The following TOP6BL variants were observed in gnomAD, a reference collection of about 807,000 sequenced individuals.
TOP6BL encodes TOP6B like initiator of meiotic double strand breaks.
chr11:66,757,204 G>A, the TOP6BL span, among the ~76,000 whole-genome samples: 13 of 152,108 alleles, frequency 8.5e-5, no homozygotes, highest in South Asian at 8.3e-4. Flanking sequence ...TTAGTCGGGC[G>A]CGGTGGCGTA....
chr11:66,836,735 C>T, the TOP6BL span, among the ~76,000 whole-genome samples: 1 of 147,590 alleles, frequency 6.8e-6, no homozygotes, highest in African/African-American at 2.5e-5. Context: ...GAGTCTTGCC[C>T]TGCCACCCAG....
chr11:66,821,517 C>T, the TOP6BL span: 2,436 of 1,021,766 alleles, frequency 2.4e-3, 5 homozygotes, highest in Non-Finnish European at 3.2e-3. Context: ...CCTCGTGATC[C>T]GCCCGCCTCG....
chr11:66,769,108 T>C, the TOP6BL span, among the ~76,000 whole-genome samples: 1 of 152,172 alleles, frequency 6.6e-6, no homozygotes, highest in Non-Finnish European at 1.5e-5. Flanking sequence ...TGTCTCCCTA[T>C]AGTGGTATAG....
the TOP6BL span, among the ~76,000 whole-genome samples, chr11:66,802,462 C>A: frequency 6.6e-6 from 1 of 151,964 alleles, no homozygotes; most frequent in Non-Finnish European, 1.5e-5. Context: ...CCATATACTG[C>A]TAATTTAAAA....
At chr11:66,833,971 C>A in the TOP6BL span, among the ~76,000 whole-genome samples, 1 of 151,904 alleles carries the variant, frequency 6.6e-6, no homozygotes, top group Non-Finnish European at 1.5e-5. Context: ...GATCTGACCT[C>A]TTTTACCCTG....
At chr11:66,843,185 A>T in the TOP6BL span, 2 of 1,611,216 alleles carry the variant, frequency 1.2e-6, no homozygotes, top group Non-Finnish European at 1.7e-6. Flanking sequence ...CTGTGGCTGC[A>T]GGAGGTCTCC....
At chr11:66,803,203 C>A in the TOP6BL span, among the ~76,000 whole-genome samples, 1 of 152,076 alleles carries the variant, frequency 6.6e-6, no homozygotes, top group Non-Finnish European at 1.5e-5. Context: ...GATTCATGGG[C>A]CCCCTCACAC....
the TOP6BL span, among the ~76,000 whole-genome samples, chr11:66,823,294 CAAAAAA>C: frequency 1.2e-4 from 5 of 41,280 alleles, no homozygotes; most frequent in South Asian, 1.7e-3. Context: ...GACTCCACCT[CAAAAAA>C]AAAAAAAAAA....
chr11:66,753,406 CT>C, the TOP6BL span, among the ~76,000 whole-genome samples: 39,178 of 120,370 alleles, frequency 0.33, 4,490 homozygotes, highest in African/African-American at 0.43. Flanking sequence ...AGGACTTAGT[CT>C]TTTTTTTTTT....
chr11:66,782,249 C>G, the TOP6BL span, among the ~76,000 whole-genome samples: 5 of 152,178 alleles, frequency 3.3e-5, no homozygotes, highest in African/African-American at 9.7e-5. Flanking sequence ...GCAGTTTTAA[C>G]AAGGTCTCCC....
At chr11:66,794,579 G>C in the TOP6BL span, among the ~76,000 whole-genome samples, 1 of 152,022 alleles carries the variant, frequency 6.6e-6, no homozygotes, top group Non-Finnish European at 1.5e-5. Flanking sequence ...TAGAGTTTTT[G>C]TGAAGGTTAA....
At chr11:66,748,599 C>G in the TOP6BL span, 1 of 1,082,576 alleles carries the variant, frequency 9.2e-7, no homozygotes, top group South Asian at 1.9e-5. Context: ...CAATTAGAAT[C>G]TTTTATCATG....
chr11:66,750,041 C>T, the TOP6BL span, among the ~76,000 whole-genome samples: 9 of 152,136 alleles, frequency 5.9e-5, no homozygotes, highest in African/African-American at 2.2e-4. Context: ...TTTCCCCCTA[C>T]TTGCCAAGGA....
the TOP6BL span, chr11:66,843,390 G>C: frequency 7.0e-7 from 1 of 1,428,188 alleles, no homozygotes; most frequent in Non-Finnish European, 9.1e-7. Flanking sequence ...GAGCCGCGCC[G>C]CGGCCTGACG....
At chr11:66,759,972 T>C in the TOP6BL span, among the ~76,000 whole-genome samples, 2 of 152,204 alleles carry the variant, frequency 1.3e-5, no homozygotes, top group Non-Finnish European at 2.9e-5. Context: ...ACCTTAGAAC[T>C]CTTACGCTTT....
the TOP6BL span, among the ~76,000 whole-genome samples, chr11:66,829,118 G>A: frequency 6.6e-6 from 1 of 151,376 alleles, no homozygotes; most frequent in East Asian, 1.9e-4. Flanking sequence ...GGGCATAGTG[G>A]CTCACACCTG....
chr11:66,801,439 A>G, the TOP6BL span, among the ~76,000 whole-genome samples: 2 of 152,200 alleles, frequency 1.3e-5, no homozygotes, highest in African/African-American at 2.4e-5. Context: ...GAGAGATAGT[A>G]TGAATACAAA....
the TOP6BL span, chr11:66,843,434 G>T: frequency 1.5e-5 from 21 of 1,389,534 alleles, no homozygotes; most frequent in South Asian, 3.1e-4. Context: ...CGTCACTGGT[G>T]CGCGCCGCGG....
the TOP6BL span, chr11:66,801,186 CACTT>C: frequency 7.0e-7 from 1 of 1,429,212 alleles, no homozygotes; most frequent in Non-Finnish European, 9.8e-7. Context: ...GAAATTGTCT[CACTT>C]GTCATTTGTA....
Sources: allele counts gnomAD v4.1 joint callset (sites outside exome capture counted in the v4.1 genomes callset), GRCh38; gene constraint gnomAD v4.1.1; transcripts MANE v1.5; gene names NCBI Gene and HGNC (gene_info 2026-07-23, HGNC 2026-07-21).